Variants in NSUN7 observed in about 807,000 individuals in gnomAD.
NSUN7 encodes NOP2/Sun RNA methyltransferase family member 7, also known as protein NSUN7.
Under a neutral mutation model 58.5 loss-of-function variants are expected in NSUN7, and 39 were observed. That is an observed-to-expected ratio of 0.67 (90% CI 0.52 to 0.87). NSUN7 has a LOEUF of 0.87. NSUN7 is among the 40% of genes least tolerant of loss of function. The pLI is 0.00. For missense variants in NSUN7, 765 were observed against 844.1 expected (o/e 0.91, Z 1.16); for synonymous variants, 278 against 303.7 (o/e 0.92, Z 0.88).
Position 40,808,794 on chromosome 4 carries a change from C to T in NSUN7, c.2012C>T (p.Pro671Leu). ...CCCCAAGGGATCAGATCTCGGATGC[C>T]AACTCAACATTTGTACTGTCGTTGG... The part of the protein sequence containing the change: ...SSPQGIRSRM[P>L]TQHLYCRWVA... The change falls in exon 12 of 12, where the codon CCA becomes CTA. Residue 671 changes from proline (P) to leucine (L), a missense_variant. Physicochemically the swap from Pro to Leu is moderately conservative, Grantham distance 98. Transcript: ENST00000381782. 6.5e-7 allele frequency: 1 copy of T among 1,549,286 alleles called. No homozygotes were observed. The highest frequency in any genetic ancestry group is 8.7e-7 in the Non-Finnish European group (1 of 1,146,500).
chr4:40,780,776 CACACACACACATACACATATATATAT>C (rs1370964381), intron 7 of NSUN7, among the ~76,000 whole-genome samples: 1 of 69,160 alleles, frequency 1.4e-5, no homozygotes, highest in African/African-American at 7.1e-5. Flanking sequence ...CACACACACA[CACACACACACATACACATATATATAT>C]ATATATATAT....
chr4:40,781,470 G>A (rs186377212), intron 7 of NSUN7, among the ~76,000 whole-genome samples: 76 of 151,860 alleles, frequency 5.0e-4, no homozygotes, highest in Middle Eastern at 3.4e-3. Flanking sequence ...TTATAGAGAC[G>A]GGGTCTCGCT....
intron 10 of NSUN7, among the ~76,000 whole-genome samples, chr4:40,806,119 C>T (rs991606597): frequency 6.6e-6 from 1 of 152,124 alleles, no homozygotes; most frequent in Non-Finnish European, 1.5e-5. Flanking sequence ...CTCAGCCTCC[C>T]GAGTAGCTGG....
At chr4:40,771,143 T>A (rs1310823930) in intron 4 of NSUN7, among the ~76,000 whole-genome samples, 4 of 152,148 alleles carry the variant, frequency 2.6e-5, no homozygotes, top group South Asian at 2.1e-4. Context: ...GACTTTAAGA[T>A]CATTTATGGA....
chr4:40,786,570 G>A (rs1742832288), intron 7 of NSUN7: 1 of 1,613,186 alleles, frequency 6.2e-7, no homozygotes, highest in African/African-American at 1.3e-5. Flanking sequence ...TGTTAGCAAT[G>A]GGTGACCTGA....
chr4:40,784,012 C>T (rs1033049015), intron 7 of NSUN7, among the ~76,000 whole-genome samples: 3 of 152,120 alleles, frequency 2.0e-5, no homozygotes, highest in Admixed American at 6.5e-5. Context: ...TGAAGATCTA[C>T]AAATGACCAG....
chr4:40,771,749 TTA>T (rs568751792), intron 4 of NSUN7, among the ~76,000 whole-genome samples: 541 of 147,890 alleles, frequency 3.7e-3, no homozygotes, highest in Non-Finnish European at 6.0e-3. Flanking sequence ...AAATATATAA[TTA>T]TATTATTAAT....
At chr4:40,753,274 ATCTT>A (rs999300303) in intron 2 of NSUN7, among the ~76,000 whole-genome samples, 1 of 149,422 alleles carries the variant, frequency 6.7e-6, no homozygotes, top group Non-Finnish European at 1.5e-5. Flanking sequence ...TAATTATTTT[ATCTT>A]TCTTTTTTTT....
chr4:40,774,252 T>A lies in NSUN7; in HGVS notation c.489-13T>A. ...CAAATGCAATAGATTAAGGATGGAT[T>A]TTCTGTCTCTAGTTTTAAGATAAAA... On this transcript the variant is annotated splice_polypyrimidine_tract_variant and intron_variant, in intron 4 of 11. Coordinates refer to ENST00000381782, the MANE Select transcript of NSUN7 (RefSeq NM_024677.6). 2.5e-6 allele frequency: 4 copies of A among 1,613,324 alleles called. No homozygotes were observed. The South Asian group carries it at 4.4e-5, about 18-fold the overall frequency.
At chr4:40,777,560 C>T (rs1241048606) in intron 7 of NSUN7, among the ~76,000 whole-genome samples, 1 of 152,174 alleles carries the variant, frequency 6.6e-6, no homozygotes, top group Middle Eastern at 3.2e-3. Flanking sequence ...AGGTGATCCA[C>T]CCATCTTGGC....
chr4:40,751,901 C>T (rs1279477224), intron 2 of NSUN7, among the ~76,000 whole-genome samples: 1 of 152,046 alleles, frequency 6.6e-6, no homozygotes, highest in Non-Finnish European at 1.5e-5. Flanking sequence ...GAGATTGAGG[C>T]GGGAGGATCG....
intron 7 of NSUN7, among the ~76,000 whole-genome samples, chr4:40,777,797 G>A (rs1283395696): frequency 6.6e-6 from 1 of 152,124 alleles, no homozygotes; most frequent in African/African-American, 2.4e-5. Flanking sequence ...ACAGGGTCTT[G>A]TTATGTTGCC....
chr4:40,790,318 C>T (rs1743021479), intron 7 of NSUN7, among the ~76,000 whole-genome samples: 1 of 152,128 alleles, frequency 6.6e-6, no homozygotes, highest in Non-Finnish European at 1.5e-5. Context: ...TTTTCTGCCT[C>T]TGAAGTCTAT....
At chr4:40,767,999 C>T (rs1218427092) in intron 4 of NSUN7, among the ~76,000 whole-genome samples, 3 of 152,098 alleles carry the variant, frequency 2.0e-5, no homozygotes, top group African/African-American at 7.2e-5. Flanking sequence ...TCGATTGCCT[C>T]AGTGCAGGTC....
intron 8 of NSUN7, among the ~76,000 whole-genome samples, chr4:40,791,182 T>C (rs1743059066): frequency 6.6e-6 from 1 of 152,258 alleles, no homozygotes; most frequent in Non-Finnish European, 1.5e-5. Context: ...AACATGATTC[T>C]AATTAAATCA....
rs1742210429 is a variant in NSUN7, at chr4:40,775,250, G to T, written c.825+300G>T. The T allele has an allele frequency of 5.9e-6, 1 of 170,550 alleles. No homozygotes were observed. The allele number at this position is 170,550 out of a possible 1,614,324, so 10.6% of individuals were successfully genotyped here. A position where few individuals can be genotyped will look rare whatever the true frequency, so the allele number is the denominator to read the frequency against. On this transcript the variant is annotated intron_variant, in intron 6 of 11. Transcript: ENST00000381782. The surrounding 1 kb of genome is among the most constrained non-coding windows in gnomAD (Gnocchi z 4.3). ...TTCTCCCCTAAAGGAGAATTCAAGA[G>T]AAAGTACAATGAGACCTTTTCTTCC...
chr4:40,796,320 G>A (rs1408763979), intron 9 of NSUN7, among the ~76,000 whole-genome samples: 1 of 152,078 alleles, frequency 6.6e-6, no homozygotes, highest in Non-Finnish European at 1.5e-5. Flanking sequence ...CTGGGTGACA[G>A]AGTGAGACTC....
chr4:40,770,728 C>T (rs1470425575), intron 4 of NSUN7, among the ~76,000 whole-genome samples: 2 of 151,748 alleles, frequency 1.3e-5, no homozygotes, highest in Non-Finnish European at 2.9e-5. Context: ...AGTAAAAAGC[C>T]AAAAAAGAGT....
intron 10 of NSUN7, among the ~76,000 whole-genome samples, chr4:40,799,982 G>T (rs1158494223): frequency 1.3e-5 from 2 of 152,014 alleles, no homozygotes; most frequent in Non-Finnish European, 2.9e-5. Flanking sequence ...TTTCCAAATG[G>T]CATCCTCTTA....
Sources: gnomAD v4.1 joint callset for allele counts (sites outside exome capture counted in the v4.1 genomes callset) on GRCh38, gnomAD v4.1.1 for gene constraint, Gnocchi (gnomAD v3.1) non-coding constraint, MANE v1.5 for transcripts, NCBI Gene and HGNC (gene_info 2026-07-23, HGNC 2026-07-21) for gene names.